The following ALPP variants were observed in gnomAD, a reference collection of about 807,000 sequenced individuals.
ALPP encodes the protein alkaline phosphatase, placental.
ALPP carries 39 observed loss-of-function variants against 50.7 expected under a neutral mutation model. The ratio of observed to expected loss-of-function variants is 0.77; its 90% CI spans 0.60 to 1.00. The LOEUF (loss-of-function observed/expected upper bound fraction) is 1.00. Ranked by LOEUF, ALPP falls within the 50% of genes least tolerant of loss-of-function variation. ALPP has a pLI of 0.00. For synonymous variants in ALPP, 226 were observed against 320.3 expected (o/e 0.71, Z 3.14); for missense variants, 550 against 746.8 (o/e 0.74, Z 3.07).
intron 10 of ALPP, 39 bp from the exon 11 acceptor site, chr2:232,381,453 GGAACT>G: frequency 6.2e-7 from 1 of 1,612,430 alleles, no homozygotes; most frequent in Non-Finnish European, 8.5e-7. Context: ...CTGTCTGCCT[GGAACT>G]GAATGAACCC....
At position 232,381,585 on chromosome 2, in the gene ALPP, G is replaced by C; in HGVS notation, c.1398G>C (p.Pro466=). 1 of 1,612,660 alleles carries C rather than the reference G, an allele frequency of 6.2e-7. No individual in the cohort carries two copies. Among genetic ancestry groups the C allele is most frequent in the Non-Finnish European group, 8.5e-7 (1 of 1,179,648 alleles). The change falls in exon 11 of 11, where the codon CCG becomes CCC. Residue 466 remains proline (P), a synonymous_variant. Coordinates refer to ENST00000392027, the MANE Select transcript of ALPP (RefSeq NM_001632.5). ...GEDVAVFARG[P]QAHLVHGVQE... is the part of the protein sequence containing the mutation. ...ACGTGGCGGTGTTCGCGCGCGGCCCGCAGGCGCACCTGGTTCACGGCGTGC... is the reference window on the plus strand; with the variant it reads ...ACGTGGCGGTGTTCGCGCGCGGCCCCCAGGCGCACCTGGTTCACGGCGTGC...
intron 5 of ALPP, 46 bp from the exon 6 acceptor site, chr2:232,380,140 G>T (rs755391442): frequency 1.2e-6 from 2 of 1,613,302 alleles, no homozygotes; most frequent in African/African-American, 2.7e-5. Context: ...GGGGGCACGG[G>T]GCCAGCCAGG....
rs2106377267 is a variant in ALPP, at chr2:232,379,041, G to A, written c.147G>A (p.Gln49=). 2.5e-6 allele frequency: 4 copies of A among 1,614,118 alleles called. No homozygotes were observed. The highest frequency in any genetic ancestry group is 3.4e-6 in the Non-Finnish European group (4 of 1,180,038). ...CCCTGGGTGCCGCCAAGAAGCTGCA[G>A]CCTGCACAGACAGCCGCCAAGAACC... ...AEALGAAKKL[Q]PAQTAAKNLI... The change falls in exon 2 of 11, where the codon CAG becomes CAA. Residue 49 remains glutamine (Q), a synonymous_variant. Transcript: ENST00000392027.
chr2:232,380,404 C>A lies in ALPP; in HGVS notation c.793-16C>A. The A allele has an allele frequency of 1.2e-6, 2 of 1,613,678 alleles. No homozygotes were observed. The highest frequency in any genetic ancestry group is 1.7e-6 in the Non-Finnish European group (2 of 1,179,908). ...CAGGGCTGTGGGCTGAGGCCTGGCT[C>A]TCTCCCTCCCCACAGGGTGCCCGGT... On this transcript the variant is annotated splice_polypyrimidine_tract_variant and intron_variant, in intron 6 of 10. Coordinates refer to ENST00000392027, the MANE Select transcript of ALPP (RefSeq NM_001632.5).
Position 232,381,870 on chromosome 2 carries a change from C to A in ALPP, c.*75C>A. On this transcript the variant is annotated 3_prime_UTR_variant, in exon 11 of 11. Coordinates refer to ENST00000392027, the MANE Select transcript of ALPP (RefSeq NM_001632.5). ...CCCCACCTCCTGTCGTCCTGCCTGG[C>A]CTCCAGCCCGAGTCGTCATCCCCGG... 6.7e-7 allele frequency: 1 copy of A among 1,494,270 alleles called. No individual in the cohort carries two copies. 92.6% of individuals were successfully genotyped at this position (1,494,270 alleles called of 1,614,324 possible).
At position 232,380,318 on chromosome 2, in the gene ALPP, C is replaced by A. The variant is rs1485499135; in HGVS notation, c.790C>A (p.Gln264Lys). The A allele has an allele frequency of 6.2e-7, 1 of 1,612,504 alleles. No homozygotes were observed. Among genetic ancestry groups the A allele is most frequent in the Non-Finnish European group, 8.5e-7 (1 of 1,179,772 alleles). Residue 264 changes from glutamine (Q) to lysine (K), a missense_variant and splice_region_variant, in exon 6 of 11, where the codon CAG becomes AAG. Physicochemically the swap from Gln to Lys is moderately conservative, Grantham distance 53 (BLOSUM62 1). Coordinates refer to ENST00000392027, the MANE Select transcript of ALPP (RefSeq NM_001632.5). ...GGTGCAGGAATGGCTGGCGAAGCGC[C>A]AGGTGATGGGGGCTGGCGGGTGCAG... ...NLVQEWLAKR[Q>K]GARYVWNRTE...
chr2:232,381,197 G>A, intron 9 of ALPP, 54 bp from the exon 10 acceptor site: 1 of 1,609,152 alleles, frequency 6.2e-7, no homozygotes, highest in Non-Finnish European at 8.5e-7. Context: ...CTAGCACGTG[G>A]GAGACACTCC....
chr2:232,379,160 A>G (rs1696654889), intron 2 of ALPP, 40 bp from the exon 3 acceptor site: 1 of 1,613,918 alleles, frequency 6.2e-7, no homozygotes, highest in Non-Finnish European at 8.5e-7. Flanking sequence ...GTTCCAGGAG[A>G]GCCCTGGGGC....
In ALPP at chr2:232,379,772, G is replaced by A; in HGVS notation, c.493G>A (p.Val165Met). ...ACCTCTGACACCCTTAGGGAAGTCA[G>A]TGGGAGTGGTAACCACCACACGAGT... ...MNRAKKAGKSVGVVTTTRVQH... is the reference protein window; with the variant it reads ...MNRAKKAGKSMGVVTTTRVQH... Residue 165 changes from valine (V) to methionine (M), a missense_variant, in exon 5 of 11, where the codon GTG becomes ATG. This residue lies in a region of ALPP where 376 missense variants were observed against 388.5 expected (regional missense o/e 0.97). Transcript: ENST00000392027. 6.2e-7 allele frequency: 1 copy of A among 1,613,992 alleles called. No homozygotes were observed. Among genetic ancestry groups the A allele is most frequent in the East Asian group, 2.2e-5 (1 of 44,890 alleles).
Position 232,379,864 on chromosome 2 carries a change from C to A in ALPP, c.585C>A (p.Asp195Glu), listed in dbSNP as rs368010490. 24 of 1,613,320 alleles carry A rather than the reference C, an allele frequency of 1.5e-5. No individual in the cohort carries two copies. Among genetic ancestry groups the A allele is most frequent in the Non-Finnish European group, 1.9e-5 (22 of 1,179,902 alleles). The change falls in exon 5 of 11, where the codon GAC (aspartate) becomes GAA (glutamate). Residue 195 changes from aspartate to glutamate, a missense_variant. Asp to Glu is a conservative substitution (Grantham distance 45). Transcript: ENST00000392027. Reference sequence around the variant, plus strand: ...ACCGCAACTGGTACTCGGACGCCGACGTGCCTGCCTCCGCCCGCCAGGAGG... The same window carrying A: ...ACCGCAACTGGTACTCGGACGCCGAAGTGCCTGCCTCCGCCCGCCAGGAGG... ...TVNRNWYSDA[D>E]VPASARQEGC...
Position 232,380,058 on chromosome 2 carries a change from C to A in ALPP, c.657+122C>A, listed in dbSNP as rs1037784140. The A allele has an allele frequency of 7.4e-5, 116 of 1,568,862 alleles. 2 individuals carry two copies. In the African/African-American group the frequency reaches 1.2e-3, roughly 16 times the overall value. On this transcript the variant is annotated intron_variant, in intron 5 of 10. Coordinates refer to ENST00000392027, the MANE Select transcript of ALPP (RefSeq NM_001632.5). The stretch of plus-strand genomic sequence containing the variant: ...CAGGGTCTGGAGGTGGGGTTGTGGG[C>A]GTAGAAGGTGCAGCCCAGGCTGGGC...
In ALPP at chr2:232,381,732, C is replaced by T. The variant is rs768034284; in HGVS notation, c.1545C>T (p.Val515=). 1.6e-5 allele frequency: 25 copies of T among 1,599,562 alleles called. No individual in the cohort carries two copies. The highest frequency in any genetic ancestry group is 4.0e-4 in the Middle Eastern group (2 of 5,014). ...CCGCGCACCCGGGGCGGTCCGTGGT[C>T]CCCGCGTTGCTTCCTCTGCTGGCCG... The part of the protein sequence containing the change: ...TDAAHPGRSV[V]PALLPLLAGT... The change falls in exon 11 of 11, where the codon GTC becomes GTT. Residue 515 remains valine (V), a synonymous_variant. Transcript: ENST00000392027.
chr2:232,379,662 C>G lies in ALPP; in HGVS notation c.459C>G (p.Ser153=). 1 of 1,613,930 alleles carries G rather than the reference C, an allele frequency of 6.2e-7. No homozygotes were observed. Among genetic ancestry groups the G allele is most frequent in the Non-Finnish European group, 8.5e-7 (1 of 1,179,972 alleles). The change falls in exon 4 of 11, where the codon TCC becomes TCG. Residue 153 remains serine (S), a synonymous_variant. Coordinates refer to ENST00000392027, the MANE Select transcript of ALPP (RefSeq NM_001632.5). ...CGACACGCGGCAACGAGGTCATCTC[C>G]GTGATGAATCGGGCCAAGAAAGCAG... ...CNTTRGNEVI[S]VMNRAKKAGK...
rs374477318 is a variant in ALPP, at chr2:232,379,219, G to A, written c.213G>A (p.Val71=). 9.5e-5 allele frequency: 153 copies of A among 1,613,976 alleles called. 1 individual carries two copies. The highest frequency in any genetic ancestry group is 1.2e-4 in the Non-Finnish European group (146 of 1,180,030). ...FLGDGMGVST[V]TAARILKGQK... ...CTTCAGGGATGGGGGTGTCTACGGT[G>A]ACAGCTGCCAGGATCCTAAAAGGGC... Residue 71 remains valine (V), a synonymous_variant, in exon 3 of 11, where the codon GTG becomes GTA. Transcript: ENST00000392027.
Position 232,381,890 on chromosome 2 carries a change from C to A in ALPP, c.*95C>A. ...CCTGGCCTCCAGCCCGAGTCGTCAT[C>A]CCCGGAGTCCCTATACAGAGGTCCT... On this transcript the variant is annotated 3_prime_UTR_variant, in exon 11 of 11. Coordinates refer to ENST00000392027, the MANE Select transcript of ALPP (RefSeq NM_001632.5). 4 of 1,477,644 alleles carry A rather than the reference C, an allele frequency of 2.7e-6. No individual in the cohort carries two copies. Among genetic ancestry groups the A allele is most frequent in the Non-Finnish European group, 1.8e-6 (2 of 1,117,228 alleles). The allele number at this position is 1,477,644 out of a possible 1,614,324, so 91.5% of individuals were successfully genotyped here. A position where few individuals can be genotyped will look rare whatever the true frequency, so the allele number is the denominator to read the frequency against.
At position 232,381,560 on chromosome 2, in the gene ALPP, A is replaced by C; in HGVS notation, c.1373A>C (p.Asp458Ala). The C allele has an allele frequency of 6.2e-7, 1 of 1,613,020 alleles. No homozygotes were observed. Among genetic ancestry groups the C allele is most frequent in the African/African-American group, 1.3e-5 (1 of 75,052 alleles). ...GACGAAGAGACCCACGCAGGCGAGG[A>C]CGTGGCGGTGTTCGCGCGCGGCCCG... ...PLDEETHAGEDVAVFARGPQA... is the reference protein window; with the variant it reads ...PLDEETHAGEAVAVFARGPQA... The change falls in exon 11 of 11, where the codon GAC (aspartate) becomes GCC (alanine). Residue 458 changes from aspartate (D) to alanine (A), a missense_variant. Around this residue, in one of 5 missense-constraint regions of ALPP, gnomAD observed 155 missense variants for 167.6 expected, o/e 0.92. Transcript: ENST00000392027.
rs148586042 is a variant in ALPP, at chr2:232,380,442, G to C, written c.815G>C (p.Arg272Pro). 3.7e-6 allele frequency: 6 copies of C among 1,613,892 alleles called. No individual in the cohort carries two copies. The highest frequency in any genetic ancestry group is 4.2e-6 in the Non-Finnish European group (5 of 1,179,952). Residue 272 changes from arginine to proline, a missense_variant, in exon 7 of 11, where the codon CGC becomes CCC. Physicochemically the swap from Arg to Pro is moderately radical, Grantham distance 103. Transcript: ENST00000392027. Reference protein sequence around the residue: ...KRQGARYVWNRTELMQASLDP... With the variant: ...KRQGARYVWNPTELMQASLDP... ...CAGGGTGCCCGGTATGTGTGGAACC[G>C]CACTGAGCTCATGCAGGCTTCCCTG...
In ALPP at chr2:232,381,575, C is replaced by A; in HGVS notation, c.1388C>A (p.Ala463Glu). Reference sequence around the variant, plus strand: ...GCAGGCGAGGACGTGGCGGTGTTCGCGCGCGGCCCGCAGGCGCACCTGGTT... The same window carrying A: ...GCAGGCGAGGACGTGGCGGTGTTCGAGCGCGGCCCGCAGGCGCACCTGGTT... Reference protein sequence around the residue: ...THAGEDVAVFARGPQAHLVHG... With the variant: ...THAGEDVAVFERGPQAHLVHG... The change falls in exon 11 of 11, where the codon GCG (alanine) becomes GAG (glutamate). Residue 463 changes from alanine to glutamate, a missense_variant. Around this residue, in one of 5 missense-constraint regions of ALPP, gnomAD observed 155 missense variants for 167.6 expected, o/e 0.92. Coordinates refer to ENST00000392027, the MANE Select transcript of ALPP (RefSeq NM_001632.5). The A allele has an allele frequency of 6.2e-7, 1 of 1,612,712 alleles. No homozygotes were observed. Among genetic ancestry groups the A allele is most frequent in the Non-Finnish European group, 8.5e-7 (1 of 1,179,716 alleles).
chr2:232,380,779 G>A (rs1169582530), intron 8 of ALPP, 22 bp downstream of exon 8: 3 of 1,613,202 alleles, frequency 1.9e-6, no homozygotes, highest in African/African-American at 2.7e-5. Flanking sequence ...CCCCTGGGGA[G>A]TGGGGGTTGG....
Sources: allele counts gnomAD v4.1 joint callset, GRCh38; gene constraint gnomAD v4.1.1; regional missense constraint gnomAD v4.1.1; transcripts MANE v1.5; gene names NCBI Gene and HGNC (gene_info 2026-07-23, HGNC 2026-07-21).